The following SELENOI variants were observed in gnomAD, a reference collection of about 807,000 sequenced individuals.
The protein encoded by SELENOI is selenoprotein I.
A neutral mutation model predicts 50.7 loss-of-function variants in SELENOI; 24 were observed. The ratio of observed to expected loss-of-function variants is 0.47; its 90% CI spans 0.34 to 0.67. The LOEUF (loss-of-function observed/expected upper bound fraction) is 0.67, where lower values mean the gene tolerates loss of function less well. Ranked by LOEUF, SELENOI falls within the 30% of genes least tolerant of loss-of-function variation. The probability of loss-of-function intolerance (pLI) is 0.01; values close to 1 mark genes in which losing one functional copy is unlikely to be tolerated. For missense variants in SELENOI, 352 were observed against 461.4 expected, an observed-to-expected ratio of 0.76 and a Z score of 2.17; for synonymous variants, 155 against 170.2, an observed-to-expected ratio of 0.91 and a Z score of 0.70.
chr2:26,376,048 T>C (rs1677560330), intron 6 of SELENOI, among the ~76,000 whole-genome samples: 1 of 148,554 alleles, frequency 6.7e-6, no homozygotes. Flanking sequence ...TGATCGCATG[T>C]GCCACTGCAC....
intron 1 of SELENOI, among the ~76,000 whole-genome samples, chr2:26,349,583 G>A (rs1676907954): frequency 6.6e-6 from 1 of 151,790 alleles, no homozygotes. Flanking sequence ...TGGGATTAAA[G>A]GCGTGAGCCA....
intron 6 of SELENOI, among the ~76,000 whole-genome samples, chr2:26,377,957 G>T (rs1677602891): frequency 6.6e-6 from 1 of 151,642 alleles, no homozygotes; most frequent in Admixed American, 6.6e-5. Context: ...TTGGTTTTTT[G>T]TTCTGATAGG....
At chr2:26,383,910 G>T (rs1463322623) in intron 7 of SELENOI, among the ~76,000 whole-genome samples, 2 of 152,082 alleles carry the variant, frequency 1.3e-5, no homozygotes, top group Non-Finnish European at 2.9e-5. Context: ...TAAAAATTCT[G>T]AATGTGTGTA....
chr2:26,383,406 T>A, intron 7 of SELENOI, 59 bp downstream of exon 7: 1 of 1,205,150 alleles, frequency 8.3e-7, no homozygotes, highest in Non-Finnish European at 1.2e-6. Context: ...AGTTGTTAGC[T>A]GAACTTAGGG....
chr2:26,360,668 G>A (rs1677155413), intron 1 of SELENOI, among the ~76,000 whole-genome samples: 1 of 152,192 alleles, frequency 6.6e-6, no homozygotes, highest in East Asian at 1.9e-4. Flanking sequence ...AAGATGGATG[G>A]TGGACTTGAA....
At chr2:26,386,647 T>C (rs933689349) in intron 9 of SELENOI, 111 bp downstream of exon 9, 53 of 893,566 alleles carry the variant, frequency 5.9e-5, no homozygotes, top group Admixed American at 7.2e-5. Flanking sequence ...AGTTGCTTAT[T>C]ATAGTAGCTG....
intron 2 of SELENOI, 50 bp from the exon 3 acceptor site, chr2:26,364,782 G>T: frequency 7.5e-7 from 1 of 1,342,246 alleles, no homozygotes; most frequent in Non-Finnish European, 1.0e-6. Flanking sequence ...GTATACATTG[G>T]ACAGAGATTC....
At position 26,390,306 on chromosome 2, in the gene SELENOI, TC is replaced by T. The variant is rs746105537; in HGVS notation, c.*1204del. On this transcript the variant is annotated 3_prime_UTR_variant, in exon 10 of 10. Coordinates refer to ENST00000260585, the MANE Select transcript of SELENOI (RefSeq NM_033505.4). ...GTGGATATTTTCTTCTATTTCTTTG[TC>T]TTCATTTAATTTGGTGGTGGTGAAC... 6.6e-6 allele frequency: 1 copy of T among 152,496 alleles called. No individual in the cohort carries two copies. Among genetic ancestry groups the T allele is most frequent in the African/African-American group, 2.4e-5 (1 of 41,420 alleles). The allele number at this position is 152,496 out of a possible 1,614,324, so 9.4% of individuals were successfully genotyped here.
chr2:26,365,306 C>T (rs1423993867), intron 3 of SELENOI, among the ~76,000 whole-genome samples: 1 of 152,010 alleles, frequency 6.6e-6, no homozygotes, highest in African/African-American at 2.4e-5. Flanking sequence ...AGCATCCCTA[C>T]TTGACTTGAA....
intron 8 of SELENOI, among the ~76,000 whole-genome samples, chr2:26,385,980 A>G (rs576841062): frequency 9.2e-5 from 14 of 152,348 alleles, no homozygotes; most frequent in African/African-American, 3.4e-4. Flanking sequence ...CATCATTGCC[A>G]TAAAGAAACT....
rs1678065713 is a variant in SELENOI at position 26,395,290 on chromosome 2, G to C, written c.*6187G>C. On this transcript the variant is annotated 3_prime_UTR_variant, in exon 10 of 10. Coordinates refer to ENST00000260585, the MANE Select transcript of SELENOI (RefSeq NM_033505.4). The stretch of plus-strand genomic sequence containing the variant: ...TTCATCTGCATGTGGCCCTTACTCT[G>C]AAGCCTCTTCCTGATCTGGAGCCAC... 1 of 152,176 alleles carries C rather than the reference G, an allele frequency of 6.6e-6. No homozygotes were observed. Among genetic ancestry groups the C allele is most frequent in the South Asian group, 2.1e-4 (1 of 4,828 alleles). 9.4% of individuals were successfully genotyped at this position (152,176 alleles called of 1,614,324 possible).
chr2:26,377,631 CAA>C (rs113537544), intron 6 of SELENOI, among the ~76,000 whole-genome samples: 2 of 142,626 alleles, frequency 1.4e-5, no homozygotes, highest in African/African-American at 2.6e-5. Flanking sequence ...GACCCTGTCT[CAA>C]AAAAAAAAAA....
chr2:26,370,924 G>T (rs1363879124), intron 4 of SELENOI, among the ~76,000 whole-genome samples: 1 of 94,384 alleles, frequency 1.1e-5, no homozygotes, highest in Non-Finnish European at 2.5e-5. Context: ...TGGCCGGGCG[G>T]GGGGCTGACC....
At chr2:26,376,573 A>G (rs997114401) in intron 6 of SELENOI, among the ~76,000 whole-genome samples, 2 of 152,218 alleles carry the variant, frequency 1.3e-5, no homozygotes, top group Admixed American at 6.5e-5. Context: ...ACTATTTTCA[A>G]TACCAGTGCC....
intron 1 of SELENOI, among the ~76,000 whole-genome samples, chr2:26,363,306 CAG>C (rs533810308): frequency 3.3e-5 from 5 of 152,156 alleles, no homozygotes; most frequent in Admixed American, 1.3e-4. Flanking sequence ...GAAACTAAGG[CAG>C]AGAGATTAAG....
intron 5 of SELENOI, among the ~76,000 whole-genome samples, chr2:26,373,908 C>T (rs1403388675): frequency 6.6e-6 from 1 of 152,086 alleles, no homozygotes. Context: ...CCCACTATCA[C>T]GCCTGGCTAA....
rs935143494 is a variant in SELENOI at position 26,393,120 on chromosome 2, T to C, written c.*4017T>C. On this transcript the variant is annotated 3_prime_UTR_variant, in exon 10 of 10. Transcript: ENST00000260585. ...TGTAACCCACGTGATTTGCATATTT[T>C]AGTTTTTATGTTTGACAGTGGTACA... The C allele has an allele frequency of 2.6e-5, 4 of 152,694 alleles. No individual in the cohort carries two copies. The highest frequency in any genetic ancestry group is 6.5e-5 in the Admixed American group (1 of 15,284). 9.5% of individuals were successfully genotyped at this position (152,694 alleles called of 1,614,324 possible).
At position 26,367,223 on chromosome 2, in the gene SELENOI, A is replaced by G. The variant is rs1416393896; in HGVS notation, c.310+3A>G. ...CAACTTCGTAGCCTACACTCTAGGT[A>G]AGGAATTGGTAAATACTTACTATAG... On this transcript the variant is annotated splice_donor_region_variant and intron_variant, in intron 4 of 9. Transcript: ENST00000260585. 1.2e-6 allele frequency: 2 copies of G among 1,603,526 alleles called. No individual in the cohort carries two copies. Among genetic ancestry groups the G allele is most frequent in the Non-Finnish European group, 1.7e-6 (2 of 1,174,350 alleles).
chr2:26,367,438 T>C (rs956205814), intron 4 of SELENOI, among the ~76,000 whole-genome samples: 1 of 152,246 alleles, frequency 6.6e-6, no homozygotes, highest in African/African-American at 2.4e-5. Context: ...GGTAAACTAC[T>C]ACTTGTGGGC....
Sources: gnomAD v4.1 joint callset for allele counts (sites outside exome capture counted in the v4.1 genomes callset) on GRCh38, gnomAD v4.1.1 for gene constraint, MANE v1.5 for transcripts, NCBI Gene and HGNC (gene_info 2026-07-23, HGNC 2026-07-21) for gene names.